PCDHA5: variants seen among roughly 807,000 people sequenced by gnomAD.
PCDHA5 encodes protocadherin alpha 5.
A neutral mutation model predicts 61.6 loss-of-function variants in PCDHA5; 43 were observed. The observed-to-expected ratio is 0.70, with a 90% confidence interval of 0.55 to 0.90. The LOEUF is 0.90. Among genes scored for constraint, PCDHA5 ranks in the 40% least tolerant of loss-of-function variants. PCDHA5 has a pLI of 0.00. For synonymous variants in PCDHA5, 627 were observed against 543.9 expected (o/e 1.15, Z -2.13); for missense variants, 1,298 against 1,222.7 (o/e 1.06, Z -0.92).
intron 1 of PCDHA5, chr5:140,967,630 C>T (rs1278035224): frequency 3.7e-6 from 6 of 1,613,982 alleles, no homozygotes; most frequent in Non-Finnish European, 5.1e-6. Context: ...ATGAGGGCTC[C>T]AATGGTGAGC....
intron 1 of PCDHA5, chr5:140,875,324 C>T (rs2055413972): frequency 3.5e-6 from 5 of 1,426,162 alleles, no homozygotes; most frequent in East Asian, 5.0e-5. Context: ...CAATCATTCA[C>T]GGAATAGGAT....
At chr5:140,935,638 T>G (rs1452378093) in intron 1 of PCDHA5, among the ~76,000 whole-genome samples, 2 of 152,214 alleles carry the variant, frequency 1.3e-5, no homozygotes, top group Admixed American at 6.5e-5. Context: ...TAGGGCTTGC[T>G]TTTTAAATTT....
At chr5:140,934,129 T>G (rs150501213) in intron 1 of PCDHA5, among the ~76,000 whole-genome samples, 326 of 152,294 alleles carry the variant, frequency 2.1e-3, no homozygotes, top group African/African-American at 7.4e-3. Context: ...CTTTATTAAT[T>G]TATTTCCTTC....
rs1328701255 is a variant in PCDHA5, at chr5:140,823,221, C to A, written c.1446C>A (p.Asp482Glu). The change falls in exon 1 of 4, where the codon GAC (aspartate) becomes GAA (glutamate). Residue 482 changes from aspartate (D) to glutamate (E), a missense_variant. Physicochemically the swap from Asp to Glu is conservative, Grantham distance 45 (BLOSUM62 2). Coordinates refer to ENST00000529859, the MANE Select transcript of PCDHA5 (RefSeq NM_018908.3). ...TCACGGTGTCTGCACGGGACGCGGA[C>A]GCGCAGGAGAACGCCCTGGTGTCCT... ...HIFTVSARDADAQENALVSYS... is the reference protein window; with the variant it reads ...HIFTVSARDAEAQENALVSYS... 1.2e-6 allele frequency: 2 copies of A among 1,613,612 alleles called. No individual in the cohort carries two copies. The highest frequency in any genetic ancestry group is 1.7e-6 in the Non-Finnish European group (2 of 1,179,814).
At chr5:140,836,753 A>C (rs2150269223) in intron 1 of PCDHA5, 1 of 1,578,360 alleles carries the variant, frequency 6.3e-7, no homozygotes, top group South Asian at 1.2e-5. Context: ...GTCATAAATA[A>C]TCTTGTTTCC....
intron 1 of PCDHA5, among the ~76,000 whole-genome samples, chr5:140,871,851 A>G (rs561924103): frequency 6.6e-6 from 1 of 152,382 alleles, no homozygotes; most frequent in East Asian, 1.9e-4. Flanking sequence ...AATTATGACC[A>G]TAATAACTAT....
At chr5:140,967,699 T>C (rs781874469) in intron 1 of PCDHA5, 9 of 1,614,154 alleles carry the variant, frequency 5.6e-6, no homozygotes, top group Non-Finnish European at 7.6e-6. Context: ...TCAGCATAGA[T>C]GCCAGTACCG....
chr5:140,870,801 G>T (rs1210285882), intron 1 of PCDHA5: 6 of 1,613,670 alleles, frequency 3.7e-6, no homozygotes, highest in Non-Finnish European at 5.1e-6. Context: ...CACTGCTGGC[G>T]ACTCAGGCTG....
intron 1 of PCDHA5, among the ~76,000 whole-genome samples, chr5:140,948,500 T>C (rs1482428616): frequency 6.6e-6 from 1 of 151,662 alleles, no homozygotes; most frequent in Non-Finnish European, 1.5e-5. Context: ...TCATAGACTT[T>C]CTATTAAAAA....
chr5:141,006,361 A>G (rs1384420854), intron 3 of PCDHA5, among the ~76,000 whole-genome samples: 3 of 151,846 alleles, frequency 2.0e-5, no homozygotes, highest in African/African-American at 7.3e-5. Context: ...ATAGGCGCCC[A>G]CCACCACGCC....
chr5:140,958,162 C>A lies in PCDHA5; in HGVS notation c.2353-20787C>A, dbSNP rs574337485. Among the ~76,000 whole-genome samples the A allele has an allele frequency of 1.1e-4, 16 of 152,028 alleles. No homozygotes were observed. The South Asian group carries it at 3.3e-3, about 32-fold the overall frequency. Reference sequence around the variant, plus strand: ...ATATTTATATAGCATAGTCAAAAGCCTGGAGTGATATAAATTTTCTGTTAC... The same window carrying A: ...ATATTTATATAGCATAGTCAAAAGCATGGAGTGATATAAATTTTCTGTTAC... On this transcript the variant is annotated intron_variant, in intron 1 of 3. Coordinates refer to ENST00000529859, the MANE Select transcript of PCDHA5 (RefSeq NM_018908.3).
chr5:140,928,161 C>G (rs155820), intron 1 of PCDHA5: 543,775 of 1,613,884 alleles, frequency 0.34, 93,301 homozygotes, highest in East Asian at 0.51. Flanking sequence ...GTGGCTCACC[C>G]CCACTTAGCA....
chr5:140,982,582 T>C lies in PCDHA5; in HGVS notation c.2500+19T>C. On this transcript the variant is annotated intron_variant, in intron 3 of 3. Transcript: ENST00000529859. ...ACACCAGGTAAAGAGCTGGGGTCTC[T>C]CCATTCTTTCTTGGTTTCTGGAAAG... 6.2e-7 allele frequency: 1 copy of C among 1,612,148 alleles called. No homozygotes were observed. Among genetic ancestry groups the C allele is most frequent in the Non-Finnish European group, 8.5e-7 (1 of 1,178,720 alleles).
intron 1 of PCDHA5, chr5:140,870,262 T>C (rs2051814541): frequency 6.2e-7 from 1 of 1,614,182 alleles, no homozygotes; most frequent in Non-Finnish European, 8.5e-7. Context: ...GGTGACCTGC[T>C]CGCTGACGCC....
rs1277596666 is a variant in PCDHA5 at position 140,856,532 on chromosome 5, G to A, written c.2352+32405G>A. ...AGAAGGCGCATCTGATGCGGATGTT[G>A]GAGAGAACGCATTGCTTACTTACAA... On this transcript the variant is annotated intron_variant, in intron 1 of 3. Transcript: ENST00000529859. The A allele has an allele frequency of 1.9e-6, 3 of 1,598,248 alleles. 1 individual carries two copies. The highest frequency in any genetic ancestry group is 2.6e-6 in the Non-Finnish European group (3 of 1,167,844).
In PCDHA5 at chr5:140,836,401, G is replaced by T. The variant is rs2150259872; in HGVS notation, c.2352+12274G>T. 16 of 1,613,770 alleles carry T rather than the reference G, an allele frequency of 9.9e-6. 1 individual carries two copies. The African/African-American group carries it at 2.0e-4, about 20-fold the overall frequency. On this transcript the variant is annotated intron_variant, in intron 1 of 3. Transcript: ENST00000529859. ...GTGCTGGTGTCGCTGGTGGAAAGCG[G>T]CCAGGCACCAAAGGCGTCGTCGCGG...
chr5:140,830,473 T>C (rs2150186969), intron 1 of PCDHA5: 15 of 1,553,368 alleles, frequency 9.7e-6, no homozygotes, highest in Non-Finnish European at 1.3e-5. Context: ...TAAATGAAGA[T>C]CATGATGCCA....
At chr5:140,826,432 T>G (rs1245508163) in intron 1 of PCDHA5, among the ~76,000 whole-genome samples, 1 of 152,176 alleles carries the variant, frequency 6.6e-6, no homozygotes, top group African/African-American at 2.4e-5. Flanking sequence ...GAATTTCACA[T>G]GGAAGAAAAG....
chr5:140,995,883 A>C (rs892876266), intron 3 of PCDHA5, among the ~76,000 whole-genome samples: 2 of 152,232 alleles, frequency 1.3e-5, no homozygotes, highest in Admixed American at 6.5e-5. Flanking sequence ...CCTGTGCTTC[A>C]GATTTATCAA....
Sources: allele counts gnomAD v4.1 joint callset (sites outside exome capture counted in the v4.1 genomes callset), GRCh38; gene constraint gnomAD v4.1.1; transcripts MANE v1.5; gene names NCBI Gene and HGNC (gene_info 2026-07-23, HGNC 2026-07-21).